Variants in AMZ2 observed in about 807,000 individuals in gnomAD.
AMZ2 encodes the protein archaelysin family metallopeptidase 2, also known as archaemetzincin-2.
In AMZ2, 26 loss-of-function variants were observed where a neutral mutation model predicts 36.7. The ratio of observed to expected loss-of-function variants is 0.71; its 90% CI spans 0.52 to 0.98. AMZ2 has a LOEUF of 0.98. Ranked by LOEUF, AMZ2 falls within the 50% of genes least tolerant of loss-of-function variation. The pLI is 0.00. For missense variants in AMZ2, 394 were observed against 430.5 expected (o/e 0.92, Z 0.75); for synonymous variants, 144 against 149.1 (o/e 0.97, Z 0.25).
intron 1 of AMZ2, among the ~76,000 whole-genome samples, chr17:68,214,829 TC>T (rs1198903673): frequency 1.3e-5 from 2 of 151,842 alleles, no homozygotes; most frequent in Non-Finnish European, 2.9e-5. Flanking sequence ...TCACCCAAGC[TC>T]TGAACTGCAG....
intron 1 of AMZ2, among the ~76,000 whole-genome samples, chr17:68,210,688 C>G (rs1555725674): frequency 6.6e-6 from 1 of 152,130 alleles, no homozygotes; most frequent in Admixed American, 6.5e-5. Context: ...TAGCTCATGC[C>G]TGTAATTCCA....
At chr17:68,226,810 C>A (rs1189290380) in intron 1 of AMZ2, among the ~76,000 whole-genome samples, 1 of 151,932 alleles carries the variant, frequency 6.6e-6, no homozygotes. Context: ...AAAATGTACT[C>A]TGTGTGCTGG....
At chr17:68,227,641 C>G (rs1384475376) in intron 1 of AMZ2, among the ~76,000 whole-genome samples, 5 of 152,156 alleles carry the variant, frequency 3.3e-5, no homozygotes, top group Non-Finnish European at 5.9e-5. Flanking sequence ...TCAAATCTCT[C>G]TCTGCTCCAT....
Position 68,235,595 on chromosome 17 carries a change from C to T in AMZ2, c.-66-13045C>T, listed in dbSNP as rs1350637280. Among the ~76,000 whole-genome samples, 3 of 152,076 alleles carry T rather than the reference C, an allele frequency of 2.0e-5. No individual in the cohort carries two copies. Among genetic ancestry groups the T allele is most frequent in the Admixed American group, 2.0e-4 (3 of 15,276 alleles). ...CCCCTATCCGGGACAGCCTCAATCCCTCAGGGCCCCTCTCGGTGCCTGCTT... is the reference window on the plus strand; with the variant it reads ...CCCCTATCCGGGACAGCCTCAATCCTTCAGGGCCCCTCTCGGTGCCTGCTT... On this transcript the variant is annotated intron_variant, in intron 1 of 7. Transcript: ENST00000674770. The surrounding 1 kb of genome is among the most constrained non-coding windows in gnomAD (Gnocchi z 4.2).
chr17:68,213,625 C>T (rs1258042325), intron 1 of AMZ2, among the ~76,000 whole-genome samples: 2 of 152,196 alleles, frequency 1.3e-5, no homozygotes, highest in South Asian at 2.1e-4. Context: ...TTGTGTGGGC[C>T]ACTTTCATCC....
At chr17:68,246,195 C>CA (rs57477453), upstream of AMZ2, among the ~76,000 whole-genome samples, 8,957 of 83,738 alleles carry the variant, frequency 0.11, 501 homozygotes, top group Middle Eastern at 0.24. Context: ...ACTAAAAATA[C>CA]AAAAAAAAAA....
intron 1 of AMZ2, among the ~76,000 whole-genome samples, chr17:68,209,042 A>C (rs1357399229): frequency 5.3e-5 from 8 of 152,150 alleles, no homozygotes; most frequent in African/African-American, 1.4e-4. Flanking sequence ...CATAAACTGG[A>C]AAAAGGTAAT....
intron 1 of AMZ2, among the ~76,000 whole-genome samples, chr17:68,225,733 A>C (rs1217772826): frequency 2.0e-5 from 3 of 151,964 alleles, no homozygotes; most frequent in African/African-American, 4.8e-5. Context: ...TCCCAGGTCC[A>C]AGCCTCAGCC....
chr17:68,244,477 G>A (rs1438870522), upstream of AMZ2, among the ~76,000 whole-genome samples: 3 of 152,078 alleles, frequency 2.0e-5, no homozygotes, highest in African/African-American at 4.8e-5. Context: ...AGTAGAGACG[G>A]GGTTTCACCG....
upstream of AMZ2, among the ~76,000 whole-genome samples, chr17:68,244,598 C>T (rs1178693081): frequency 2.0e-5 from 3 of 152,082 alleles, no homozygotes; most frequent in African/African-American, 7.2e-5. Context: ...GTAATTTACT[C>T]TCAAATGGTT....
intron 1 of AMZ2, among the ~76,000 whole-genome samples, chr17:68,223,712 T>C (rs1276332633): frequency 2.1e-5 from 3 of 143,314 alleles, no homozygotes; most frequent in Non-Finnish European, 4.6e-5. Context: ...GCTAATTTTT[T>C]TGTTGTTTGT....
chr17:68,250,340 T>A lies in AMZ2; in HGVS notation c.153T>A (p.Ile51=). The A allele has an allele frequency of 6.2e-7, 1 of 1,614,224 alleles. No homozygotes were observed. Among genetic ancestry groups the A allele is most frequent in the South Asian group, 1.1e-5 (1 of 91,084 alleles). The stretch of plus-strand genomic sequence containing the variant: ...CAGCCAGTGATCTCTTTGGACCCAT[T>A]ACCTTGCATTCTCCATCAGATTGGA... The part of the protein sequence containing the change: ...FQPASDLFGP[I]TLHSPSDWIT... Residue 51 remains isoleucine, a synonymous_variant, in exon 2 of 7, where the codon ATT becomes ATA. Coordinates refer to ENST00000359904, the MANE Select transcript of AMZ2 (RefSeq NM_016627.5).
At chr17:68,215,425 A>G (rs1555727009) in intron 1 of AMZ2, among the ~76,000 whole-genome samples, 1 of 135,680 alleles carries the variant, frequency 7.4e-6, no homozygotes, top group African/African-American at 2.8e-5. Flanking sequence ...CACATTTTTA[A>G]AGTTTAAAGT....
At chr17:68,207,861 G>A (rs2072888659) in intron 1 of AMZ2, among the ~76,000 whole-genome samples, 1 of 152,180 alleles carries the variant, frequency 6.6e-6, no homozygotes, top group Non-Finnish European at 1.5e-5. Context: ...TGTGGAGGGA[G>A]AGGCGCAGGC....
intron 1 of AMZ2, among the ~76,000 whole-genome samples, chr17:68,239,401 T>C (rs1163563122): frequency 6.6e-6 from 1 of 152,138 alleles, no homozygotes; most frequent in African/African-American, 2.4e-5. Flanking sequence ...CTCAGGGCAG[T>C]TGATATCAGC....
rs561606497 is a variant in AMZ2, at chr17:68,255,894, C to G, written c.927+18C>G. 2 of 1,612,326 alleles carry G rather than the reference C, an allele frequency of 1.2e-6. No homozygotes were observed. Among genetic ancestry groups the G allele is most frequent in the African/African-American group, 2.7e-5 (2 of 74,688 alleles). ...GATACAAAGTAAGTTGGGGGGTGGA[C>G]AGTCTAAAGAGGGGGAAGTGGTTAT... On this transcript the variant is annotated intron_variant, in intron 6 of 6. Transcript: ENST00000359904.
upstream of AMZ2, among the ~76,000 whole-genome samples, chr17:68,245,142 C>A (rs2073974388): frequency 6.6e-6 from 1 of 151,164 alleles, no homozygotes; most frequent in Admixed American, 6.6e-5. Flanking sequence ...TCTGCAACTG[C>A]ATATTAGTTA....
intron 1 of AMZ2, among the ~76,000 whole-genome samples, chr17:68,222,247 C>T (rs558448461): frequency 6.6e-6 from 1 of 152,206 alleles, no homozygotes; most frequent in East Asian, 1.9e-4. Flanking sequence ...GGGACATGCT[C>T]AGTCTGAGGT....
At chr17:68,239,616 C>T (rs2073861092) in intron 1 of AMZ2, among the ~76,000 whole-genome samples, 1 of 152,170 alleles carries the variant, frequency 6.6e-6, no homozygotes, top group African/African-American at 2.4e-5. Context: ...GACTCTTAGG[C>T]TCTTCACTGC....
Sources: allele counts gnomAD v4.1 joint callset (sites outside exome capture counted in the v4.1 genomes callset), GRCh38; gene constraint gnomAD v4.1.1; non-coding constraint Gnocchi (gnomAD v3.1); transcripts MANE v1.5; gene names NCBI Gene and HGNC (gene_info 2026-07-23, HGNC 2026-07-21).